The following PRKN variants were observed in gnomAD, a reference collection of about 807,000 sequenced individuals.
The protein encoded by PRKN is E3 ubiquitin-protein ligase parkin.
In PRKN, 56 loss-of-function variants were observed where a neutral mutation model predicts 59.5. The observed-to-expected ratio is 0.94, with a 90% CI of 0.76 to 1.18. PRKN has a LOEUF of 1.18. Among genes scored for constraint, PRKN ranks in the 50% most tolerant of loss-of-function variants. The pLI is 0.00. For synonymous variants in PRKN, 250 were observed against 222.1 expected, an observed-to-expected ratio of 1.13 and a Z score of -1.12; for missense variants, 657 against 596.4, an observed-to-expected ratio of 1.10 and a Z score of -1.06.
chr6:161,387,803 TA>T (rs1303006802), intron 9 of PRKN, among the ~76,000 whole-genome samples: 2 of 152,080 alleles, frequency 1.3e-5, no homozygotes, highest in African/African-American at 4.8e-5. Context: ...ACAGGGCCTT[TA>T]AAGTGGTAAA....
chr6:162,581,794 T>C (rs970130777), intron 1 of PRKN, among the ~76,000 whole-genome samples: 8 of 152,006 alleles, frequency 5.3e-5, no homozygotes, highest in Non-Finnish European at 1.0e-4. Context: ...ATTTTAAGAG[T>C]TTTTCTCAAC....
intron 4 of PRKN, among the ~76,000 whole-genome samples, chr6:162,158,669 G>A (rs2128315929): frequency 6.6e-6 from 1 of 152,018 alleles, no homozygotes; most frequent in East Asian, 1.9e-4. Context: ...GGCCTGAAAT[G>A]ATCCGCCCGC....
chr6:161,403,408 T>A (rs924162485), intron 9 of PRKN, among the ~76,000 whole-genome samples: 2 of 152,150 alleles, frequency 1.3e-5, no homozygotes, highest in Non-Finnish European at 2.9e-5. Context: ...AGAACCAAAT[T>A]TTCAAAAGGC....
At chr6:161,732,399 A>T (rs1787753688) in intron 7 of PRKN, among the ~76,000 whole-genome samples, 1 of 151,686 alleles carries the variant, frequency 6.6e-6, no homozygotes, top group Non-Finnish European at 1.5e-5. Context: ...CTCCATGCTC[A>T]GGTAGGCTCC....
At chr6:162,672,907 C>G (rs1207488260) in intron 1 of PRKN, among the ~76,000 whole-genome samples, 1 of 152,094 alleles carries the variant, frequency 6.6e-6, no homozygotes, top group African/African-American at 2.4e-5. Context: ...CAAGGTAACA[C>G]AGTAACTACA....
chr6:162,710,374 A>AAGAC (rs377397467), intron 1 of PRKN, among the ~76,000 whole-genome samples: 1 of 125,242 alleles, frequency 8.0e-6, no homozygotes, highest in Non-Finnish European at 1.6e-5. Flanking sequence ...ACCCCCTACA[A>AAGAC]ACACACACAC....
intron 9 of PRKN, among the ~76,000 whole-genome samples, chr6:161,510,309 G>A (rs561147912): frequency 1.3e-5 from 2 of 152,142 alleles, no homozygotes; most frequent in South Asian, 4.2e-4. Context: ...ATCATGAAGC[G>A]TGATTGTCCC....
chr6:162,414,051 C>T (rs1788486347), intron 2 of PRKN, among the ~76,000 whole-genome samples: 1 of 152,086 alleles, frequency 6.6e-6, no homozygotes, highest in Non-Finnish European at 1.5e-5. Flanking sequence ...GGTGTAGTGG[C>T]AGGCACCTAT....
chr6:162,218,801 A>G (rs6908241), intron 3 of PRKN, among the ~76,000 whole-genome samples: 73,687 of 151,868 alleles, frequency 0.49, 20,759 homozygotes, highest in East Asian at 0.88. Flanking sequence ...GCCTCCACTC[A>G]TGTTCCTCCG....
chr6:161,653,684 A>G (rs1784232559), intron 7 of PRKN, among the ~76,000 whole-genome samples: 1 of 152,218 alleles, frequency 6.6e-6, no homozygotes, highest in Non-Finnish European at 1.5e-5. Context: ...CATCGTATAT[A>G]TACTATAAAT....
intron 7 of PRKN, among the ~76,000 whole-genome samples, chr6:161,730,171 A>G (rs1037563868): frequency 4.0e-5 from 5 of 126,232 alleles, no homozygotes; most frequent in Non-Finnish European, 6.6e-5. Context: ...ATTCTTTCTG[A>G]TGTGTTGCAT....
intron 1 of PRKN, among the ~76,000 whole-genome samples, chr6:162,469,286 G>A (rs188698958): frequency 2.3e-3 from 317 of 138,614 alleles, no homozygotes; most frequent in African/African-American, 7.5e-3. Context: ...AACAGCCAAT[G>A]GTGTTGCTAA....
At chr6:162,186,500 G>T (rs928312198) in intron 4 of PRKN, among the ~76,000 whole-genome samples, 1 of 151,914 alleles carries the variant, frequency 6.6e-6, no homozygotes, top group East Asian at 1.9e-4. Context: ...GGAAGAAAAG[G>T]GCTTCTATGG....
chr6:162,323,199 C>CACAT (rs1007573449), intron 2 of PRKN, among the ~76,000 whole-genome samples: 4 of 151,090 alleles, frequency 2.6e-5, no homozygotes, highest in Non-Finnish European at 5.9e-5. Flanking sequence ...GCACAATGTG[C>CACAT]ACATGTACCC....
At chr6:162,252,966 G>A (rs1004291292) in intron 3 of PRKN, among the ~76,000 whole-genome samples, 1 of 152,196 alleles carries the variant, frequency 6.6e-6, no homozygotes, top group African/African-American at 2.4e-5. Context: ...ACTGTGTTAG[G>A]TACTGCAACA....
At chr6:161,985,990 C>T (rs1781422721) in intron 5 of PRKN, among the ~76,000 whole-genome samples, 5 of 152,164 alleles carry the variant, frequency 3.3e-5, no homozygotes. Flanking sequence ...TGATCCTGTC[C>T]CTGTTTTAGC....
intron 1 of PRKN, among the ~76,000 whole-genome samples, chr6:162,653,333 TTTGTGTGC>T (rs1322043493): frequency 6.6e-6 from 1 of 152,090 alleles, no homozygotes; most frequent in African/African-American, 2.4e-5. Context: ...TGTGTGTGTG[TTTGTGTGC>T]GTGTCTGTGT....
At chr6:162,724,398 A>G (rs1779047707) in intron 1 of PRKN, among the ~76,000 whole-genome samples, 1 of 152,204 alleles carries the variant, frequency 6.6e-6, no homozygotes, top group Admixed American at 6.5e-5. Context: ...CCTCATGCCA[A>G]TAAGGGAATC....
In PRKN at chr6:161,679,684, C is replaced by CCGCCTT. The variant is rs531559048; in HGVS notation, c.871+106087_871+106088insAAGGCG. On this transcript the variant is annotated intron_variant, in intron 7 of 11. Coordinates refer to ENST00000366898, the MANE Select transcript of PRKN (RefSeq NM_004562.3). ...GTTTATAATAGAACCACCCCCCCCCCTTTTTTTTTTTTAAGAAACAGGATT... is the reference window on the plus strand; with the variant it reads ...GTTTATAATAGAACCACCCCCCCCCCCGCCTTTTTTTTTTTTTTAAGAAACAGGATT... 4.9e-4 allele frequency among the ~76,000 whole-genome samples: 42 copies of CCGCCTT among 84,892 alleles called. 2 individuals are homozygous for CCGCCTT. Among genetic ancestry groups the CCGCCTT allele is most frequent in the Non-Finnish European group, 8.8e-4 (37 of 42,008 alleles). The allele number at this position is 84,892 out of a possible 152,430, so 55.7% of individuals were successfully genotyped here. A position where few individuals can be genotyped will look rare whatever the true frequency, so the allele number is the denominator to read the frequency against.
Sources: gnomAD v4.1 joint callset for allele counts (sites outside exome capture counted in the v4.1 genomes callset) on GRCh38, gnomAD v4.1.1 for gene constraint, MANE v1.5 for transcripts, NCBI Gene and HGNC (gene_info 2026-07-23, HGNC 2026-07-21) for gene names.